DENND1A: variants seen among roughly 807,000 people sequenced by gnomAD.
The protein encoded by DENND1A is DENN domain-containing protein 1A.
Under a neutral mutation model 113.7 loss-of-function variants are expected in DENND1A, and 51 were observed. That is an observed-to-expected ratio of 0.45 (90% CI 0.36 to 0.57). DENND1A has a LOEUF of 0.57. Among genes scored for constraint, DENND1A ranks in the 20% least tolerant of loss-of-function variants. The probability of loss-of-function intolerance (pLI) is 0.00; values close to 1 mark genes in which losing one functional copy is unlikely to be tolerated. For synonymous variants in DENND1A, 565 were observed against 570.8 expected (o/e 0.99, Z 0.14); for missense variants, 1,258 against 1,395.9 (o/e 0.90, Z 1.57).
intron 5 of DENND1A, among the ~76,000 whole-genome samples, chr9:123,693,720 C>T (rs1179692409): frequency 2.0e-5 from 3 of 151,926 alleles, no homozygotes; most frequent in African/African-American, 7.3e-5. Flanking sequence ...GCTGCCACTC[C>T]ACCTCAAGTG....
chr9:123,469,334 T>C (rs2049205851), intron 13 of DENND1A, among the ~76,000 whole-genome samples: 1 of 152,268 alleles, frequency 6.6e-6, no homozygotes, highest in Non-Finnish European at 1.5e-5. Context: ...AGCCCAGAGC[T>C]ACTCTGATGA....
intron 5 of DENND1A, among the ~76,000 whole-genome samples, chr9:123,720,725 T>C (rs1433650613): frequency 6.6e-6 from 1 of 152,240 alleles, no homozygotes; most frequent in East Asian, 1.9e-4. Flanking sequence ...CTGATTCTTA[T>C]CTATGGCAAT....
Position 123,402,242 on chromosome 9 carries a change from G to GCA in DENND1A, c.1631+1158_1631+1159dup, listed in dbSNP as rs60657662. On this transcript the variant is annotated intron_variant, in intron 21 of 23. Transcript: ENST00000394215. ...CATCCTTGTGTGCAAGCGCACACGT[G>GCA]CACACACACACACACACACACGCAC... Among the ~76,000 whole-genome samples, 494 of 128,080 alleles carry GCA rather than the reference G, an allele frequency of 3.9e-3. 1 individual carries two copies. The highest frequency in any genetic ancestry group is 0.018 in the South Asian group (68 of 3,848). The allele number at this position is 128,080 out of a possible 152,430, so 84.0% of individuals were successfully genotyped here.
At chr9:123,555,372 G>A (rs925994408) in intron 13 of DENND1A, among the ~76,000 whole-genome samples, 1 of 152,162 alleles carries the variant, frequency 6.6e-6, no homozygotes, top group Non-Finnish European at 1.5e-5. Flanking sequence ...AGCATCCAAG[G>A]CTCCGCCAAA....
chr9:123,851,192 C>T (rs1372849281), intron 2 of DENND1A, among the ~76,000 whole-genome samples: 1 of 152,210 alleles, frequency 6.6e-6, no homozygotes, highest in Non-Finnish European at 1.5e-5. Flanking sequence ...GCACTCCCCA[C>T]CACCCATCCC....
At chr9:123,681,092 C>T (rs759093308) in intron 5 of DENND1A, among the ~76,000 whole-genome samples, 103 of 152,062 alleles carry the variant, frequency 6.8e-4, no homozygotes, top group South Asian at 1.7e-3. Flanking sequence ...GGAAAGTCAG[C>T]GTCTGAGCAG....
intron 13 of DENND1A, among the ~76,000 whole-genome samples, chr9:123,502,597 T>C (rs186622274): frequency 5.1e-4 from 78 of 152,376 alleles, no homozygotes; most frequent in African/African-American, 1.7e-3. Flanking sequence ...TTACTAGATA[T>C]ATGCTTTAAA....
At chr9:123,780,449 G>A (rs10453237) in intron 3 of DENND1A, among the ~76,000 whole-genome samples, 11,744 of 152,208 alleles carry the variant, frequency 0.077, 918 homozygotes, top group African/African-American at 0.2. Flanking sequence ...GGAAGAAATA[G>A]CATTGACTGA....
At chr9:123,486,291 T>C (rs912372077) in intron 13 of DENND1A, among the ~76,000 whole-genome samples, 1 of 152,044 alleles carries the variant, frequency 6.6e-6, no homozygotes, top group African/African-American at 2.4e-5. Flanking sequence ...GGGCAACGTG[T>C]CCCAGGTCAA....
chr9:123,392,847 T>A (rs1047339360), intron 21 of DENND1A, among the ~76,000 whole-genome samples: 14 of 152,206 alleles, frequency 9.2e-5, no homozygotes, highest in Non-Finnish European at 1.6e-4. Context: ...CCAGAGTCCC[T>A]TATGTCATTC....
rs1274674831 is a variant in DENND1A at position 123,504,107 on chromosome 9, C to T, written c.994-46210G>A. ...TCTTTGCTTCTTTCTCAGCCCACTT[C>T]CATGCTGCAAGCACACAGAAATGAT... On this transcript the variant is annotated intron_variant, in intron 13 of 23. Coordinates refer to ENST00000394215, the MANE Select transcript of DENND1A (RefSeq NM_001352964.2). 2.0e-5 allele frequency among the ~76,000 whole-genome samples: 3 copies of T among 152,336 alleles called. No homozygotes were observed. The East Asian group carries it at 5.8e-4, about 29-fold the overall frequency.
At chr9:123,408,931 C>T (rs1207857614) in intron 20 of DENND1A, among the ~76,000 whole-genome samples, 1 of 152,214 alleles carries the variant, frequency 6.6e-6, no homozygotes, top group Non-Finnish European at 1.5e-5. Context: ...GGATCCCAAG[C>T]CTCGAAGGGG....
intron 9 of DENND1A, among the ~76,000 whole-genome samples, chr9:123,646,400 G>A (rs1225827302): frequency 2.0e-5 from 3 of 152,096 alleles, no homozygotes; most frequent in Admixed American, 6.5e-5. Flanking sequence ...AAGGGGATAC[G>A]GGTCAAGAAA....
intron 19 of DENND1A, among the ~76,000 whole-genome samples, chr9:123,423,758 C>G (rs111445616): frequency 6.6e-6 from 1 of 152,144 alleles, no homozygotes; most frequent in African/African-American, 2.4e-5. Context: ...CCAAGATACA[C>G]GCTACTGTTT....
intron 13 of DENND1A, among the ~76,000 whole-genome samples, chr9:123,495,842 C>T (rs962534003): frequency 6.6e-6 from 1 of 152,214 alleles, no homozygotes; most frequent in Non-Finnish European, 1.5e-5. Context: ...CCAATAAGGG[C>T]ACCATTGTTC....
At chr9:123,680,765 T>C (rs969229792) in intron 5 of DENND1A, among the ~76,000 whole-genome samples, 1 of 152,206 alleles carries the variant, frequency 6.6e-6, no homozygotes, top group African/African-American at 2.4e-5. Context: ...CAGAAAACCA[T>C]TAAAAAATTT....
chr9:123,555,556 G>A (rs1220629955), intron 13 of DENND1A, among the ~76,000 whole-genome samples: 1 of 152,152 alleles, frequency 6.6e-6, no homozygotes. Flanking sequence ...TTACTCATCA[G>A]ACCCAGTTCA....
At position 123,676,700 on chromosome 9, in the gene DENND1A, T is replaced by G. The variant is rs770543324; in HGVS notation, c.372+20A>C. On this transcript the variant is annotated intron_variant, in intron 6 of 23. Coordinates refer to ENST00000394215, the MANE Select transcript of DENND1A (RefSeq NM_001352964.2). ...TTAAAGCTTATTTGTTTAAAAGAAT[T>G]ATTTTAAAAAGGTAAATACCTGTCT... 1.9e-5 allele frequency: 31 copies of G among 1,608,012 alleles called. No individual in the cohort carries two copies. The highest frequency in any genetic ancestry group is 2.6e-5 in the Non-Finnish European group (31 of 1,176,034).
intron 5 of DENND1A, among the ~76,000 whole-genome samples, chr9:123,741,757 C>T (rs2069046837): frequency 6.6e-6 from 1 of 152,144 alleles, no homozygotes; most frequent in Non-Finnish European, 1.5e-5. Context: ...TGTCATTCAA[C>T]AAATGATAAT....
Sources: gnomAD v4.1 joint callset for allele counts (sites outside exome capture counted in the v4.1 genomes callset) on GRCh38, gnomAD v4.1.1 for gene constraint, MANE v1.5 for transcripts, NCBI Gene and HGNC (gene_info 2026-07-23, HGNC 2026-07-21) for gene names.